The following SERAC1 variants were observed in gnomAD, a reference collection of about 807,000 sequenced individuals.
SERAC1 encodes protein SERAC1.
Under a neutral mutation model 85.7 loss-of-function variants are expected in SERAC1, and 36 were observed. The observed-to-expected ratio is 0.42, with a 90% CI of 0.32 to 0.55. The LOEUF (loss-of-function observed/expected upper bound fraction) is 0.55, where lower values mean the gene tolerates loss of function less well. Ranked by LOEUF, SERAC1 falls within the 20% of genes least tolerant of loss-of-function variation. The pLI is 0.11. For missense variants in SERAC1, 629 were observed against 796.2 expected (o/e 0.79, Z 2.53); for synonymous variants, 242 against 265.3 (o/e 0.91, Z 0.85).
intron 8 of SERAC1, among the ~76,000 whole-genome samples, chr6:158,130,780 A>G (rs1344026322): frequency 6.6e-6 from 1 of 152,228 alleles, no homozygotes; most frequent in African/African-American, 2.4e-5. Flanking sequence ...AAGTAAGAAA[A>G]GCCCAGGATG....
Position 158,146,897 on chromosome 6 carries a change from A to C in SERAC1, c.372T>G (p.Val124=), listed in dbSNP as rs1177632992. Residue 124 remains valine, a synonymous_variant, in exon 6 of 17, where the codon GTT becomes GTG. Transcript: ENST00000647468. ...RNPFADPFST[V]DIEDHECAVW... is the part of the protein sequence containing the mutation. Reference sequence around the variant, plus strand: ...CAGCACACTCATGATCTTCTATATCAACTGTACTAAAAGGATCTTTGCAAA... The same window carrying C: ...CAGCACACTCATGATCTTCTATATCCACTGTACTAAAAGGATCTTTGCAAA... 1 of 1,613,716 alleles carries C rather than the reference A, an allele frequency of 6.2e-7. No homozygotes were observed. The highest frequency in any genetic ancestry group is 1.3e-5 in the African/African-American group (1 of 75,014).
At position 158,113,470 on chromosome 6, in the gene SERAC1, C is replaced by T. The variant is rs1033568259; in HGVS notation, c.1807G>A (p.Val603Met). The change falls in exon 16 of 17, where the codon GTG becomes ATG. Residue 603 changes from valine to methionine, a missense_variant. Coordinates refer to ENST00000647468, the MANE Select transcript of SERAC1 (RefSeq NM_032861.4). The stretch of plus-strand genomic sequence containing the variant: ...ATACCTGCTGATTCCACAGGTACCA[C>T]ATGGAGCTTAATCATGCTGCCAATG... ...TYIGSMIKLH[V>M]VPVESADLGI... 3.1e-6 allele frequency: 5 copies of T among 1,613,946 alleles called. No individual in the cohort carries two copies. The highest frequency in any genetic ancestry group is 1.7e-5 in the Admixed American group (1 of 60,018).
At chr6:158,115,814 G>A (rs1784273629) in intron 14 of SERAC1, among the ~76,000 whole-genome samples, 1 of 152,154 alleles carries the variant, frequency 6.6e-6, no homozygotes, top group South Asian at 2.1e-4. Flanking sequence ...CAATGGTGAG[G>A]GGGAGCAGGA....
chr6:158,165,218 C>T (rs973324957), intron 1 of SERAC1, among the ~76,000 whole-genome samples: 5 of 151,930 alleles, frequency 3.3e-5, no homozygotes, highest in South Asian at 2.1e-4. Context: ...TGCAGTGGCG[C>T]GATCTCGGCT....
intron 3 of SERAC1, among the ~76,000 whole-genome samples, chr6:158,151,578 C>T (rs7747319): frequency 0.041 from 6,275 of 152,164 alleles, 199 homozygotes; most frequent in African/African-American, 0.09. Context: ...CCTGCCACCA[C>T]GCCCGGGTAA....
At chr6:158,143,558 G>A (rs1379112956) in intron 7 of SERAC1, among the ~76,000 whole-genome samples, 1 of 151,920 alleles carries the variant, frequency 6.6e-6, no homozygotes, top group Non-Finnish European at 1.5e-5. Context: ...AACTCTCAAT[G>A]TTCATCTGAC....
rs900804918 is a variant in SERAC1 at position 158,120,535 on chromosome 6, G to C, written c.1056C>G (p.His352Gln). 25 of 1,613,846 alleles carry C rather than the reference G, an allele frequency of 1.5e-5. No individual in the cohort carries two copies. Among genetic ancestry groups the C allele is most frequent in the Non-Finnish European group, 2.0e-5 (24 of 1,179,956 alleles). ...TGGCAGCGTGTGAGGACTCCATAAT[G>C]TGGGGAGATTTCATTGCTTCTGCCA... ...SIMAEAMKSP[H>Q]IMESSHAARI... is the part of the protein sequence containing the mutation. The change falls in exon 11 of 17, where the codon CAC becomes CAG. Residue 352 changes from histidine to glutamine, a missense_variant. By Grantham distance (24) the His-to-Gln change is conservative. Transcript: ENST00000647468. This position sits in a 1 kb window ranked among gnomAD's most constrained non-coding sequence, Gnocchi z 4.4.
At position 158,120,847 on chromosome 6, in the gene SERAC1, ATTATAGAGGTGTTCATAGCAG is replaced by A. The variant is rs548679377; in HGVS notation, c.1016-293_1016-273del. On this transcript the variant is annotated intron_variant, in intron 10 of 16. Transcript: ENST00000647468. The surrounding 1 kb of genome is among the most constrained non-coding windows in gnomAD (Gnocchi z 4.4). Reference sequence around the variant, plus strand: ...TTTAGAAAGCCTAACACTAATACCAATTATAGAGGTGTTCATAGCAGTTATAGAGGTGTTCACAAAAGTGAA... The same window carrying A: ...TTTAGAAAGCCTAACACTAATACCAATTATAGAGGTGTTCACAAAAGTGAA... Among the ~76,000 whole-genome samples the A allele has an allele frequency of 1.9e-4, 29 of 152,290 alleles. No individual in the cohort carries two copies. In the East Asian group the frequency reaches 5.4e-3, roughly 28 times the overall value.
intron 1 of SERAC1, chr6:158,161,382 A>AG (rs1785484204): frequency 1.3e-5 from 2 of 148,878 alleles, no homozygotes; most frequent in African/African-American, 5.1e-5. Context: ...ACTCTGTCTC[A>AG]GAAAAAAAAA....
At chr6:158,134,065 A>G (rs2555247) in intron 8 of SERAC1, among the ~76,000 whole-genome samples, 79,676 of 152,118 alleles carry the variant, frequency 0.52, 21,150 homozygotes, top group African/African-American at 0.59. Flanking sequence ...ACTATCACCA[A>G]ACGGTGAAGT....
chr6:158,164,020 C>A (rs567686486), intron 1 of SERAC1, among the ~76,000 whole-genome samples: 1 of 151,206 alleles, frequency 6.6e-6, no homozygotes, highest in East Asian at 2.0e-4. Context: ...CAGGTGTGAG[C>A]CACCGCACCA....
intron 4 of SERAC1, among the ~76,000 whole-genome samples, chr6:158,149,934 C>T (rs1785163735): frequency 6.6e-6 from 1 of 152,156 alleles, no homozygotes; most frequent in Non-Finnish European, 1.5e-5. Context: ...CCCATGCAAC[C>T]ATATGATCGC....
intron 1 of SERAC1, among the ~76,000 whole-genome samples, chr6:158,164,543 C>A (rs540362962): frequency 1.3e-5 from 2 of 151,682 alleles, no homozygotes; most frequent in Admixed American, 1.3e-4. Context: ...AAGTAGAGAA[C>A]GGAGAAATTT....
In SERAC1 at chr6:158,146,968, CTTCACT is replaced by C. The variant is rs896906810; in HGVS notation, c.356-61_356-56del. The C allele has an allele frequency of 9.5e-5, 149 of 1,570,718 alleles. 3 individuals carry two copies. The East Asian group carries it at 1.2e-3, about 13-fold the overall frequency. ...TGAAAAGTTAAGATAATACTTTTAT[CTTCACT>C]TTAAGATGGTAATTTATAAACACTG... On this transcript the variant is annotated intron_variant, in intron 5 of 16. Coordinates refer to ENST00000647468, the MANE Select transcript of SERAC1 (RefSeq NM_032861.4).
chr6:158,121,542 G>A (rs531029413), intron 10 of SERAC1, among the ~76,000 whole-genome samples: 35 of 152,188 alleles, frequency 2.3e-4, no homozygotes, highest in African/African-American at 8.2e-4. Flanking sequence ...CTCAATACAC[G>A]ACAGCTGTCC....
At chr6:158,149,151 C>G (rs1454609120) in intron 4 of SERAC1, among the ~76,000 whole-genome samples, 197 bp from the exon 5 acceptor site, 14 of 152,148 alleles carry the variant, frequency 9.2e-5, no homozygotes, top group Non-Finnish European at 2.9e-5. Context: ...GCCACCACGC[C>G]TGGCTAATTT....
At chr6:158,131,800 A>G (rs1784684112) in intron 8 of SERAC1, among the ~76,000 whole-genome samples, 1 of 152,204 alleles carries the variant, frequency 6.6e-6, no homozygotes. Context: ...CATTGTTTGT[A>G]TAATAATAAA....
At chr6:158,167,223 T>TAA (rs34350104) in intron 1 of SERAC1, among the ~76,000 whole-genome samples, 30 of 101,830 alleles carry the variant, frequency 2.9e-4, no homozygotes, top group African/African-American at 3.6e-4. Context: ...CACACGATGT[T>TAA]AAAAAAAAAA....
chr6:158,111,315 A>C lies in SERAC1; in HGVS notation c.*51T>G, dbSNP rs750748340. On this transcript the variant is annotated 3_prime_UTR_variant, in exon 17 of 17. Coordinates refer to ENST00000647468, the MANE Select transcript of SERAC1 (RefSeq NM_032861.4). ...TAGAGCTTAAAAGAAGAAACAGAACACCAAGTTTCTTGCACTGAATTCACA... is the reference window on the plus strand; with the variant it reads ...TAGAGCTTAAAAGAAGAAACAGAACCCCAAGTTTCTTGCACTGAATTCACA... 1.3e-6 allele frequency: 2 copies of C among 1,500,140 alleles called. No homozygotes were observed. Among genetic ancestry groups the C allele is most frequent in the South Asian group, 2.6e-5 (2 of 75,982 alleles). 92.9% of individuals were successfully genotyped at this position (1,500,140 alleles called of 1,614,324 possible).
Sources: gnomAD v4.1 joint callset for allele counts (sites outside exome capture counted in the v4.1 genomes callset) on GRCh38, gnomAD v4.1.1 for gene constraint, Gnocchi (gnomAD v3.1) non-coding constraint, MANE v1.5 for transcripts, NCBI Gene and HGNC (gene_info 2026-07-23, HGNC 2026-07-21) for gene names.